The following KPNA7 variants were observed in gnomAD, a reference collection of about 807,000 sequenced individuals.
KPNA7 encodes the protein importin subunit alpha-8.
A neutral mutation model predicts 53.7 loss-of-function variants in KPNA7; 54 were observed. The ratio of observed to expected loss-of-function variants is 1.01; its 90% CI spans 0.81 to 1.26. KPNA7 has a LOEUF of 1.26. KPNA7 is among the 50% of genes most tolerant of loss of function. The probability of loss-of-function intolerance (pLI) is 0.00; values close to 1 mark genes in which losing one functional copy is unlikely to be tolerated. For missense variants in KPNA7, 640 were observed against 644.5 expected, an observed-to-expected ratio of 0.99 and a Z score of 0.07; for synonymous variants, 276 against 259.3, an observed-to-expected ratio of 1.06 and a Z score of -0.62.
At chr7:99,213,146 G>A (rs1310223032) in intron 1 of KPNA7, among the ~76,000 whole-genome samples, 2 of 114,386 alleles carry the variant, frequency 1.7e-5, no homozygotes, top group Non-Finnish European at 3.6e-5. Context: ...TTTTTTTTTT[G>A]AGACAGAGTC....
At chr7:99,187,797 TTTAAAAAAAAAAA>T (rs1169161744) in intron 7 of KPNA7, among the ~76,000 whole-genome samples, 9 of 79,972 alleles carry the variant, frequency 1.1e-4, no homozygotes, top group African/African-American at 3.1e-4. Context: ...GGCCTTTTTT[TTTAAAAAAAAAAA>T]AAAAAAAAAA....
At chr7:99,188,249 A>C in intron 7 of KPNA7, 51 bp downstream of exon 7, 7 of 1,531,950 alleles carry the variant, frequency 4.6e-6, no homozygotes, top group Non-Finnish European at 6.2e-6. Context: ...AACCTGCTAA[A>C]GTGACTATGA....
upstream of KPNA7, among the ~76,000 whole-genome samples, chr7:99,211,738 C>A (rs1396929844): frequency 6.6e-6 from 1 of 152,182 alleles, no homozygotes. Context: ...CCCACACCAT[C>A]CCTCTGGGTT....
At chr7:99,152,131 C>T in the KPNA7 span, among the ~76,000 whole-genome samples, 1 of 152,008 alleles carries the variant, frequency 6.6e-6, no homozygotes, top group African/African-American at 2.4e-5. Flanking sequence ...TTGTAGTGAG[C>T]CGAGATCACA....
At chr7:99,186,021 G>A (rs1299290970) in intron 7 of KPNA7, among the ~76,000 whole-genome samples, 3 of 152,108 alleles carry the variant, frequency 2.0e-5, no homozygotes, top group Admixed American at 1.3e-4. Context: ...TTGAACTCCT[G>A]ACCTCAAGTG....
chr7:99,184,940 G>A lies in KPNA7; in HGVS notation c.1123C>T (p.Leu375=), dbSNP rs1370914076. The A allele has an allele frequency of 2.6e-6, 4 of 1,551,936 alleles. No individual in the cohort carries two copies. Among genetic ancestry groups the A allele is most frequent in the Non-Finnish European group, 2.6e-6 (3 of 1,146,962 alleles). The part of the protein sequence containing the change: ...AYDVLPPLVA[L]LKNGEFKVQK... ...TGTGCGCCACTTACGTTTTTTAGCAGAGCCACCAAGGGAGGCAAGACGTCG... is the reference window on the plus strand; with the variant it reads ...TGTGCGCCACTTACGTTTTTTAGCAAAGCCACCAAGGGAGGCAAGACGTCG... Residue 375 remains leucine (L), a synonymous_variant, in exon 8 of 11, where the codon CTG becomes TTG. Coordinates refer to ENST00000327442, the MANE Select transcript of KPNA7 (RefSeq NM_001145715.3).
At chr7:99,217,710 A>G (rs1314933264) in intron 1 of KPNA7, among the ~76,000 whole-genome samples, 3 of 132,462 alleles carry the variant, frequency 2.3e-5, no homozygotes, top group East Asian at 4.8e-4. Flanking sequence ...GGCTCACTGC[A>G]GCCTCCGCCT....
intron 10 of KPNA7, among the ~76,000 whole-genome samples, chr7:99,176,408 A>G (rs939286990): frequency 3.9e-5 from 6 of 152,188 alleles, no homozygotes; most frequent in African/African-American, 9.7e-5. Context: ...AGCTATTACC[A>G]AAACACCTAG....
At chr7:99,189,616 G>T (rs527605381) in intron 6 of KPNA7, among the ~76,000 whole-genome samples, 28 of 152,108 alleles carry the variant, frequency 1.8e-4, no homozygotes, top group Admixed American at 5.9e-4. Context: ...ATTCCCAATT[G>T]TTGGGGTTTT....
rs774847151 is a variant in KPNA7 at position 99,196,036 on chromosome 7, T to A, written c.284+48A>T. On this transcript the variant is annotated intron_variant, in intron 4 of 10. Coordinates refer to ENST00000327442, the MANE Select transcript of KPNA7 (RefSeq NM_001145715.3). ...CCGGCGCTCCAGCCATCACTGACGCTCATTGCTAACTATGAACCTGCAACA... is the reference window on the plus strand; with the variant it reads ...CCGGCGCTCCAGCCATCACTGACGCACATTGCTAACTATGAACCTGCAACA... The A allele has an allele frequency of 2.0e-6, 3 of 1,465,504 alleles. No homozygotes were observed. The African/African-American group carries it at 4.2e-5, about 21-fold the overall frequency. The allele number at this position is 1,465,504 out of a possible 1,614,324, so 90.8% of individuals were successfully genotyped here. A position where few individuals can be genotyped will look rare whatever the true frequency, so the allele number is the denominator to read the frequency against.
chr7:99,202,863 G>C (rs1391303310), intron 3 of KPNA7, among the ~76,000 whole-genome samples: 1 of 144,704 alleles, frequency 6.9e-6, no homozygotes, highest in African/African-American at 2.5e-5. Flanking sequence ...AAAATAAAAA[G>C]TATAATAAAA....
chr7:99,173,726 T>C lies in KPNA7; in HGVS notation c.1533A>G (p.Glu511=), dbSNP rs570210924. Residue 511 remains glutamate, a synonymous_variant, in exon 11 of 11, where the codon GAA becomes GAG. Transcript: ENST00000327442. ...IDQDYEFIDY[E]CLAKK is the part of the protein sequence containing the mutation. ...AGCTTGGCTATTTTTTTGCTAAGCATTCATAATCTATAAATTCATAATCTT... is the reference window on the plus strand; with the variant it reads ...AGCTTGGCTATTTTTTTGCTAAGCACTCATAATCTATAAATTCATAATCTT... The C allele has an allele frequency of 8.2e-5, 127 of 1,551,380 alleles. 2 individuals are homozygous for C. In the South Asian group the frequency reaches 1.4e-3, roughly 17 times the overall value.
At chr7:99,201,192 G>A (rs139299087) in intron 3 of KPNA7, among the ~76,000 whole-genome samples, 1 of 152,226 alleles carries the variant, frequency 6.6e-6, no homozygotes, top group African/African-American at 2.4e-5. Context: ...CAGAGACGGT[G>A]GGGGATGAGG....
rs1790629061 is a variant in KPNA7 at position 99,203,099 on chromosome 7, T to A, written c.201+7A>T. 6.4e-7 allele frequency: 1 copy of A among 1,551,530 alleles called. No individual in the cohort carries two copies. Among genetic ancestry groups the A allele is most frequent in the Non-Finnish European group, 8.7e-7 (1 of 1,146,974 alleles). ...GCCCAAGACTACTCTAAACACTACATACTGACCGCCACCCCTTTGGCTGTT... is the reference window on the plus strand; with the variant it reads ...GCCCAAGACTACTCTAAACACTACAAACTGACCGCCACCCCTTTGGCTGTT... On this transcript the variant is annotated splice_region_variant and intron_variant, in intron 3 of 10. Coordinates refer to ENST00000327442, the MANE Select transcript of KPNA7 (RefSeq NM_001145715.3).
At chr7:99,150,094 A>G in the KPNA7 span, among the ~76,000 whole-genome samples, 1 of 151,294 alleles carries the variant, frequency 6.6e-6, no homozygotes, top group Non-Finnish European at 1.5e-5. Flanking sequence ...CCACCGCACC[A>G]GGCCTTTGTT....
chr7:99,159,730 CTTT>C, the KPNA7 span, among the ~76,000 whole-genome samples: 1 of 152,076 alleles, frequency 6.6e-6, no homozygotes, highest in East Asian at 1.9e-4. Context: ...GCCAATCATT[CTTT>C]ATCATCAAAC....
At chr7:99,206,074 T>C (rs1417119841) in intron 2 of KPNA7, among the ~76,000 whole-genome samples, 1 of 152,184 alleles carries the variant, frequency 6.6e-6, no homozygotes, top group African/African-American at 2.4e-5. Flanking sequence ...TTTAGCTCCT[T>C]GGTAAGCCTC....
chr7:99,217,982 C>T (rs771978353), intron 1 of KPNA7, among the ~76,000 whole-genome samples: 42 of 152,158 alleles, frequency 2.8e-4, no homozygotes, highest in Admixed American at 1.2e-3. Flanking sequence ...ATGAATGAGA[C>T]GCACCTGGGG....
At chr7:99,163,920 A>G in the KPNA7 span, among the ~76,000 whole-genome samples, 2 of 152,090 alleles carry the variant, frequency 1.3e-5, no homozygotes, top group South Asian at 4.1e-4. Context: ...CGAAAATGCA[A>G]ATCAAAACCA....
Sources: gnomAD v4.1 joint callset for allele counts (sites outside exome capture counted in the v4.1 genomes callset) on GRCh38, gnomAD v4.1.1 for gene constraint, MANE v1.5 for transcripts, NCBI Gene and HGNC (gene_info 2026-07-23, HGNC 2026-07-21) for gene names.